The following PTPRR variants were observed in gnomAD, a reference collection of about 807,000 sequenced individuals.
The protein encoded by PTPRR is protein tyrosine phosphatase receptor type R, also known as receptor-type tyrosine-protein phosphatase R.
Under a neutral mutation model 77.2 loss-of-function variants are expected in PTPRR, and 38 were observed. The observed-to-expected ratio is 0.49, with a 90% CI of 0.38 to 0.65. PTPRR has a LOEUF of 0.65. Among genes scored for constraint, PTPRR ranks in the 30% least tolerant of loss-of-function variants. PTPRR has a pLI of 0.00. For missense variants in PTPRR, 744 were observed against 799.2 expected, an observed-to-expected ratio of 0.93 and a Z score of 0.83; for synonymous variants, 299 against 283.1, an observed-to-expected ratio of 1.06 and a Z score of -0.57.
intron 10 of PTPRR, among the ~76,000 whole-genome samples, chr12:70,665,364 C>CTTTTTTTTTTTTTTTTTTTTTTTTTTTT (rs72472808): frequency 2.2e-5 from 1 of 44,562 alleles, no homozygotes; most frequent in Non-Finnish European, 4.5e-5. Flanking sequence ...AATGCAAATT[C>CTTTTTTTTTTTTTTTTTTTTTTTTTTTT]TTTTTTTTTT....
intron 10 of PTPRR, among the ~76,000 whole-genome samples, chr12:70,674,907 G>A (rs1592660742): frequency 6.6e-6 from 1 of 152,004 alleles, no homozygotes; most frequent in South Asian, 2.1e-4. Context: ...GATATTTGGG[G>A]GGAGGTTATG....
intron 10 of PTPRR, among the ~76,000 whole-genome samples, chr12:70,665,102 T>G (rs1886938282): frequency 6.6e-6 from 1 of 152,202 alleles, no homozygotes; most frequent in Non-Finnish European, 1.5e-5. Context: ...TGTAGGTGAT[T>G]CAAAATAGCA....
chr12:70,870,598 C>T lies in PTPRR; in HGVS notation c.357+22081G>A, dbSNP rs767944064. 1.7e-4 allele frequency among the ~76,000 whole-genome samples: 26 copies of T among 152,316 alleles called. 1 individual carries two copies. The highest frequency in any genetic ancestry group is 1.0e-3 in the Admixed American group (16 of 15,300). ...ACATATGCTTCCGGCACTGTTAAAA[C>T]GTTAGACTTACAATAAAACCTCCTG... On this transcript the variant is annotated intron_variant, in intron 2 of 13. Coordinates refer to ENST00000283228, the MANE Select transcript of PTPRR (RefSeq NM_002849.4).
At chr12:70,647,356 T>C (rs945141972) in intron 13 of PTPRR, among the ~76,000 whole-genome samples, 2 of 152,254 alleles carry the variant, frequency 1.3e-5, no homozygotes, top group African/African-American at 4.8e-5. Flanking sequence ...CCTGCCTGCT[T>C]AGATGTCTTC....
At chr12:70,656,232 T>A (rs1327174199) in intron 13 of PTPRR, among the ~76,000 whole-genome samples, 1 of 149,050 alleles carries the variant, frequency 6.7e-6, no homozygotes, top group Non-Finnish European at 1.5e-5. Context: ...AAATAATAAA[T>A]AAATAAATAA....
chr12:70,804,564 C>A (rs1394621006), intron 2 of PTPRR, among the ~76,000 whole-genome samples: 1 of 151,910 alleles, frequency 6.6e-6, no homozygotes, highest in African/African-American at 2.4e-5. Flanking sequence ...AAAAAGAAGA[C>A]TCCTGATGCT....
intron 1 of PTPRR, among the ~76,000 whole-genome samples, chr12:70,911,675 C>A (rs1893701192): frequency 1.4e-5 from 2 of 145,688 alleles, no homozygotes; most frequent in Non-Finnish European, 1.5e-5. Context: ...CTTCATAGTC[C>A]ACTACAAACC....
chr12:70,908,310 A>G (rs1893652200), intron 1 of PTPRR, among the ~76,000 whole-genome samples: 1 of 152,292 alleles, frequency 6.6e-6, no homozygotes, highest in Middle Eastern at 3.4e-3. Context: ...GTATTAGTCC[A>G]TTCTCACGCT....
At chr12:70,669,478 A>G (rs1017531450) in intron 10 of PTPRR, among the ~76,000 whole-genome samples, 3 of 146,246 alleles carry the variant, frequency 2.1e-5, no homozygotes, top group East Asian at 2.0e-4. Flanking sequence ...CACACAAGCT[A>G]TGTGTGTGTG....
intron 2 of PTPRR, among the ~76,000 whole-genome samples, chr12:70,827,456 T>C (rs914828900): frequency 6.6e-6 from 1 of 152,148 alleles, no homozygotes; most frequent in African/African-American, 2.4e-5. Flanking sequence ...TCCTCGTTCA[T>C]AGACAGTTGT....
intron 1 of PTPRR, among the ~76,000 whole-genome samples, chr12:70,906,215 C>A (rs1893619164): frequency 6.6e-6 from 1 of 151,956 alleles, no homozygotes; most frequent in Non-Finnish European, 1.5e-5. Context: ...CCCCAATGAG[C>A]CTCAGTCTTC....
At chr12:70,828,713 C>T (rs1216010608) in intron 2 of PTPRR, among the ~76,000 whole-genome samples, 1 of 152,150 alleles carries the variant, frequency 6.6e-6, no homozygotes, top group Non-Finnish European at 1.5e-5. Context: ...TGAATGTATT[C>T]GAACTCTGAT....
chr12:70,892,832 G>A lies in PTPRR; in HGVS notation c.204C>T (p.Ser68=). The change falls in exon 2 of 14, where the codon TCC becomes TCT. Residue 68 remains serine (S), a synonymous_variant. Coordinates refer to ENST00000283228, the MANE Select transcript of PTPRR (RefSeq NM_002849.4). The part of the protein sequence containing the change: ...PQKIYRHSYH[S]SSEAQVSKRH... ...GTTTGCTTACTTGAGCTTCGGAAGA[G>A]GAATGGTAGCTATGTCTGTAGATTT... 1 of 1,613,524 alleles carries A rather than the reference G, an allele frequency of 6.2e-7. No homozygotes were observed. Among genetic ancestry groups the A allele is most frequent in the East Asian group, 2.2e-5 (1 of 44,870 alleles).
At chr12:70,763,816 G>A (rs1451565994) in intron 3 of PTPRR, among the ~76,000 whole-genome samples, 1 of 152,146 alleles carries the variant, frequency 6.6e-6, no homozygotes, top group African/African-American at 2.4e-5. Context: ...GCTTTTTACA[G>A]AAAGACAGTC....
chr12:70,823,025 A>C (rs1209589819), intron 2 of PTPRR, among the ~76,000 whole-genome samples: 1 of 150,470 alleles, frequency 6.6e-6, no homozygotes, highest in Non-Finnish European at 1.5e-5. Flanking sequence ...CTTTTCCCTT[A>C]AGTTTTGCTT....
intron 2 of PTPRR, among the ~76,000 whole-genome samples, chr12:70,769,808 A>G (rs1415659774): frequency 6.6e-6 from 1 of 152,104 alleles, no homozygotes; most frequent in African/African-American, 2.4e-5. Flanking sequence ...GTACCAAAAC[A>G]GAGATATAGA....
intron 10 of PTPRR, among the ~76,000 whole-genome samples, chr12:70,675,259 T>C (rs1257018296): frequency 6.6e-6 from 1 of 152,066 alleles, no homozygotes; most frequent in Non-Finnish European, 1.5e-5. Context: ...TGGTAATCTC[T>C]GATATTTAAT....
At chr12:70,642,482 T>C (rs1310458418) in intron 13 of PTPRR, among the ~76,000 whole-genome samples, 4 of 152,250 alleles carry the variant, frequency 2.6e-5, no homozygotes, top group Non-Finnish European at 5.9e-5. Context: ...TAAGGCATTA[T>C]TAAAAAATAG....
At chr12:70,673,327 A>T (rs561540596) in intron 10 of PTPRR, among the ~76,000 whole-genome samples, 19 of 152,310 alleles carry the variant, frequency 1.2e-4, no homozygotes, top group African/African-American at 4.3e-4. Context: ...GACTTTTTCT[A>T]TAAGAGTGAA....
Sources: allele counts gnomAD v4.1 joint callset (sites outside exome capture counted in the v4.1 genomes callset), GRCh38; gene constraint gnomAD v4.1.1; transcripts MANE v1.5; gene names NCBI Gene and HGNC (gene_info 2026-07-23, HGNC 2026-07-21).